PLD5: variants seen among roughly 807,000 people sequenced by gnomAD.
The protein encoded by PLD5 is phospholipase D family member 5.
Under a neutral mutation model 61.1 loss-of-function variants are expected in PLD5, and 36 were observed. That is an observed-to-expected ratio of 0.59 (90% CI 0.45 to 0.78). PLD5 has a LOEUF of 0.78. Ranked by LOEUF, PLD5 falls within the 30% of genes least tolerant of loss-of-function variation. The pLI is 0.00. For missense variants in PLD5, 515 were observed against 644.4 expected (o/e 0.80, Z 2.17); for synonymous variants, 243 against 242.8 (o/e 1.00, Z -0.01).
At chr1:242,216,276 G>C (rs914134269) in intron 5 of PLD5, among the ~76,000 whole-genome samples, 1 of 152,184 alleles carries the variant, frequency 6.6e-6, no homozygotes, top group Non-Finnish European at 1.5e-5. Flanking sequence ...AACAGAAAAG[G>C]GGGAGATGTG....
intron 5 of PLD5, chr1:242,210,302 A>G (rs1669724023): frequency 6.6e-6 from 1 of 152,424 alleles, no homozygotes; most frequent in Admixed American, 6.5e-5. Context: ...TGAGCGGTCT[A>G]GATAGATCTA....
intron 3 of PLD5, among the ~76,000 whole-genome samples, chr1:242,274,193 C>T (rs2149117004): frequency 6.6e-6 from 1 of 152,130 alleles, no homozygotes; most frequent in East Asian, 1.9e-4. Context: ...ATAAGAAAAT[C>T]TGGAATAAAT....
chr1:242,195,584 T>A (rs902461883), intron 5 of PLD5, among the ~76,000 whole-genome samples: 1 of 152,162 alleles, frequency 6.6e-6, no homozygotes, highest in Admixed American at 6.5e-5. Flanking sequence ...GCATTTTCCA[T>A]CTGTTTTGGA....
At chr1:242,285,696 C>A (rs1426880247) in intron 3 of PLD5, among the ~76,000 whole-genome samples, 1 of 151,468 alleles carries the variant, frequency 6.6e-6, no homozygotes, top group African/African-American at 2.4e-5. Flanking sequence ...GAAAATACAA[C>A]TAATGAACTT....
intron 5 of PLD5, among the ~76,000 whole-genome samples, chr1:242,149,123 T>C (rs1478493818): frequency 1.3e-5 from 2 of 151,938 alleles, no homozygotes; most frequent in East Asian, 3.9e-4. Flanking sequence ...TTAAATATAA[T>C]GCTAGCTGTA....
At chr1:242,367,487 C>G (rs1661408021) in intron 1 of PLD5, among the ~76,000 whole-genome samples, 1 of 152,116 alleles carries the variant, frequency 6.6e-6, no homozygotes, top group Admixed American at 6.6e-5. Flanking sequence ...TTTTAACTCA[C>G]AAATACAAAT....
chr1:242,480,419 T>C (rs1667734218), intron 1 of PLD5, among the ~76,000 whole-genome samples: 1 of 151,990 alleles, frequency 6.6e-6, no homozygotes, highest in Non-Finnish European at 1.5e-5. Context: ...GAAGAAAACA[T>C]TGAAGGAGCA....
chr1:242,094,446 T>C (rs1289809089), intron 9 of PLD5, among the ~76,000 whole-genome samples: 1 of 152,152 alleles, frequency 6.6e-6, no homozygotes, highest in African/African-American at 2.4e-5. Flanking sequence ...GGAGCAGTGA[T>C]TCCATGCAAG....
intron 8 of PLD5, among the ~76,000 whole-genome samples, chr1:242,106,679 C>T (rs973578209): frequency 6.6e-6 from 1 of 152,278 alleles, no homozygotes; most frequent in African/African-American, 2.4e-5. Flanking sequence ...AGGGTCAGGG[C>T]GATCTTGGAA....
chr1:242,202,732 T>C (rs1162439512), intron 5 of PLD5, among the ~76,000 whole-genome samples: 2 of 152,210 alleles, frequency 1.3e-5, no homozygotes, highest in Non-Finnish European at 2.9e-5. Context: ...ACTTTGTGCA[T>C]TCATGCATTC....
At chr1:242,353,337 G>T (rs1227984473) in intron 1 of PLD5, among the ~76,000 whole-genome samples, 2 of 152,084 alleles carry the variant, frequency 1.3e-5, no homozygotes, top group African/African-American at 4.8e-5. Context: ...CAGATGTGTG[G>T]TTTAATTTCT....
At chr1:242,366,933 C>T (rs1329307845) in intron 1 of PLD5, among the ~76,000 whole-genome samples, 1 of 151,732 alleles carries the variant, frequency 6.6e-6, no homozygotes, top group African/African-American at 2.4e-5. Context: ...CCATTGATTC[C>T]CATAACAGAA....
intron 2 of PLD5, among the ~76,000 whole-genome samples, chr1:242,299,039 T>C (rs1450779203): frequency 1.3e-5 from 2 of 150,486 alleles, no homozygotes; most frequent in Non-Finnish European, 1.5e-5. Context: ...AAAAAAAAAG[T>C]GGTTACAACT....
intron 5 of PLD5, among the ~76,000 whole-genome samples, chr1:242,158,364 A>G (rs897846108): frequency 6.6e-6 from 1 of 152,048 alleles, no homozygotes; most frequent in Admixed American, 6.5e-5. Flanking sequence ...GTATAGAAAA[A>G]AAGTCTCCTG....
At chr1:242,466,040 A>G (rs538006154) in intron 1 of PLD5, among the ~76,000 whole-genome samples, 1 of 152,302 alleles carries the variant, frequency 6.6e-6, no homozygotes, top group South Asian at 2.1e-4. Context: ...CTTTGCTCAG[A>G]TCACATCTTG....
chr1:242,401,350 A>G (rs764502929), intron 1 of PLD5, among the ~76,000 whole-genome samples: 1 of 151,792 alleles, frequency 6.6e-6, no homozygotes, highest in Non-Finnish European at 1.5e-5. Flanking sequence ...CACTCTCACC[A>G]CCTGCAGCGT....
At chr1:242,347,027 C>G (rs754377834) in intron 2 of PLD5, among the ~76,000 whole-genome samples, 40 of 152,320 alleles carry the variant, frequency 2.6e-4, no homozygotes, top group Non-Finnish European at 4.4e-4. Context: ...GAATACCTTT[C>G]TAACATGAAG....
chr1:242,475,417 C>T (rs1448691245), intron 1 of PLD5, among the ~76,000 whole-genome samples: 2 of 99,314 alleles, frequency 2.0e-5, no homozygotes, highest in Middle Eastern at 5.1e-3. Context: ...AGCGAGACTC[C>T]GTCTCAAAAA....
chr1:242,238,883 G>A (rs906546675), intron 4 of PLD5, among the ~76,000 whole-genome samples: 3 of 152,136 alleles, frequency 2.0e-5, no homozygotes, highest in Non-Finnish European at 4.4e-5. Context: ...CTCACAGAAG[G>A]ATTGTGAAGG....
Sources: gnomAD v4.1 joint callset for allele counts (sites outside exome capture counted in the v4.1 genomes callset) on GRCh38, gnomAD v4.1.1 for gene constraint, MANE v1.5 for transcripts, NCBI Gene and HGNC (gene_info 2026-07-23, HGNC 2026-07-21) for gene names.